RHOBTB1: variants seen among roughly 807,000 people sequenced by gnomAD.
RHOBTB1 encodes the protein Rho related BTB domain containing 1.
In RHOBTB1, 40 loss-of-function variants were observed where a neutral mutation model predicts 71.6. The ratio of observed to expected loss-of-function variants is 0.56; its 90% CI spans 0.43 to 0.73. The LOEUF (loss-of-function observed/expected upper bound fraction) is 0.73, where lower values mean the gene tolerates loss of function less well. RHOBTB1 is among the 30% of genes least tolerant of loss of function. The pLI is 0.00. For missense variants in RHOBTB1, 797 were observed against 894.0 expected (o/e 0.89, Z 1.38); for synonymous variants, 319 against 334.9 (o/e 0.95, Z 0.52).
upstream of RHOBTB1, among the ~76,000 whole-genome samples, chr10:60,948,424 A>G (rs2085305507): frequency 1.3e-5 from 2 of 152,232 alleles, no homozygotes; most frequent in Non-Finnish European, 2.9e-5. Flanking sequence ...AGAAACAGGG[A>G]GACCTTAGCC....
chr10:60,871,403 A>C lies in RHOBTB1; in HGVS notation c.*79T>G, dbSNP rs1262886300. 1.4e-6 allele frequency: 2 copies of C among 1,449,236 alleles called. No homozygotes were observed. Among genetic ancestry groups the C allele is most frequent in the African/African-American group, 2.8e-5 (2 of 70,832 alleles). The allele number at this position is 1,449,236 out of a possible 1,614,324, so 89.8% of individuals were successfully genotyped here. On this transcript the variant is annotated 3_prime_UTR_variant, in exon 11 of 11. Transcript: ENST00000337910. ...ACTATGTCGTATCTCTAACAAGACG[A>C]ATTTTATAGTAGTGCTTTGAAAAGT... is the stretch of plus-strand genomic sequence containing the variant.
intron 2 of RHOBTB1, among the ~76,000 whole-genome samples, chr10:60,930,655 G>C (rs1427000202): frequency 6.6e-6 from 1 of 152,104 alleles, no homozygotes; most frequent in East Asian, 1.9e-4. Context: ...TGAATAGAGA[G>C]GCATGGCTTA....
At chr10:60,902,722 A>C (rs866074060) in intron 4 of RHOBTB1, among the ~76,000 whole-genome samples, 2 of 152,216 alleles carry the variant, frequency 1.3e-5, no homozygotes, top group African/African-American at 4.8e-5. Context: ...TTCCATCTTC[A>C]TCACCTGCAG....
intron 1 of RHOBTB1, among the ~76,000 whole-genome samples, chr10:60,942,371 T>C (rs2084945076): frequency 6.6e-6 from 1 of 152,272 alleles, no homozygotes; most frequent in Non-Finnish European, 1.5e-5. Context: ...TCACAGAGCC[T>C]GTGTTATGCA....
intron 2 of RHOBTB1, among the ~76,000 whole-genome samples, chr10:60,970,082 T>G (rs796579181): frequency 6.6e-6 from 1 of 152,114 alleles, no homozygotes; most frequent in South Asian, 2.1e-4. Context: ...TTGTATCTGG[T>G]CAGGGCATCA....
chr10:60,872,154 C>G (rs763268687), intron 10 of RHOBTB1, 31 bp downstream of exon 10: 2 of 1,473,142 alleles, frequency 1.4e-6, no homozygotes, highest in African/African-American at 2.8e-5. Context: ...GTGAGGAGAG[C>G]TGGATGAATG....
At chr10:60,875,817 G>A (rs147564635) in intron 8 of RHOBTB1, among the ~76,000 whole-genome samples, 23 of 152,266 alleles carry the variant, frequency 1.5e-4, no homozygotes, top group South Asian at 4.1e-4. Context: ...CTGAATTTAC[G>A]TTCTGGTCTG....
At chr10:60,880,619 A>G (rs891465727) in intron 7 of RHOBTB1, among the ~76,000 whole-genome samples, 1 of 152,210 alleles carries the variant, frequency 6.6e-6, no homozygotes, top group African/African-American at 2.4e-5. Context: ...GGTTTCCAGC[A>G]CAACCTCGAC....
intron 5 of RHOBTB1, among the ~76,000 whole-genome samples, chr10:60,891,942 G>C (rs1353421806): frequency 6.6e-6 from 1 of 152,098 alleles, no homozygotes; most frequent in Non-Finnish European, 1.5e-5. Context: ...GTTCTCATGA[G>C]ATCTGGTGGT....
At chr10:60,864,779 G>A (rs1022780346), downstream of RHOBTB1, among the ~76,000 whole-genome samples, 2 of 151,058 alleles carry the variant, frequency 1.3e-5, no homozygotes, top group East Asian at 1.9e-4. Flanking sequence ...TGCAACCTCC[G>A]CCTCCCCAGT....
intron 1 of RHOBTB1, chr10:60,985,960 T>C (rs1353804693): frequency 2.6e-5 from 4 of 152,176 alleles, no homozygotes; most frequent in Non-Finnish European, 5.9e-5. Flanking sequence ...GAAAGAGATA[T>C]ATACAAGCAT....
chr10:60,950,466 G>A (rs373712081), intron 2 of RHOBTB1, among the ~76,000 whole-genome samples: 130 of 152,092 alleles, frequency 8.5e-4, no homozygotes, highest in African/African-American at 2.8e-3. Context: ...TATGAAACAA[G>A]TTTAAAAAAC....
intron 2 of RHOBTB1, among the ~76,000 whole-genome samples, chr10:60,956,103 A>G (rs2085582908): frequency 6.6e-6 from 1 of 152,196 alleles, no homozygotes; most frequent in Admixed American, 6.5e-5. Flanking sequence ...CCTAGATGGC[A>G]TAGCCTACTA....
At chr10:60,877,487 C>T (rs560577888) in intron 8 of RHOBTB1, among the ~76,000 whole-genome samples, 165 of 152,336 alleles carry the variant, frequency 1.1e-3, no homozygotes, top group Non-Finnish European at 1.8e-3. Context: ...AGGGTTTGAT[C>T]TTAGGCAATC....
At chr10:60,973,065 A>G (rs1405232281) in intron 2 of RHOBTB1, among the ~76,000 whole-genome samples, 2 of 152,254 alleles carry the variant, frequency 1.3e-5, no homozygotes, top group African/African-American at 2.4e-5. Context: ...GATTGATTGC[A>G]TATCATTATA....
intron 2 of RHOBTB1, among the ~76,000 whole-genome samples, chr10:60,940,855 C>T (rs193009599): frequency 2.0e-5 from 3 of 152,298 alleles, no homozygotes; most frequent in Admixed American, 1.3e-4. Flanking sequence ...TACCATTGAT[C>T]CCCAATTCAG....
intron 7 of RHOBTB1, among the ~76,000 whole-genome samples, chr10:60,881,603 C>A (rs567921518): frequency 6.6e-6 from 1 of 152,240 alleles, no homozygotes; most frequent in African/African-American, 2.4e-5. Context: ...CCTCTCTCAC[C>A]CTCAGTCTCT....
intron 4 of RHOBTB1, among the ~76,000 whole-genome samples, chr10:60,897,424 A>G (rs954437657): frequency 6.6e-5 from 10 of 152,192 alleles, no homozygotes; most frequent in Non-Finnish European, 1.2e-4. Flanking sequence ...TTCCTTTTCT[A>G]GTATCATTTA....
chr10:60,938,586 A>G (rs1023904010), intron 2 of RHOBTB1, among the ~76,000 whole-genome samples: 5 of 152,214 alleles, frequency 3.3e-5, no homozygotes, highest in African/African-American at 4.8e-5. Context: ...GCAGTTAGCC[A>G]ATTTATCCAG....
Sources: allele counts gnomAD v4.1 joint callset (sites outside exome capture counted in the v4.1 genomes callset), GRCh38; gene constraint gnomAD v4.1.1; transcripts MANE v1.5; gene names NCBI Gene and HGNC (gene_info 2026-07-23, HGNC 2026-07-21).